LRRC46: variants seen among roughly 807,000 people sequenced by gnomAD.
LRRC46 encodes the protein leucine rich repeat containing 46.
LRRC46 carries 20 observed loss-of-function variants against 28.0 expected under a neutral mutation model. The observed-to-expected ratio is 0.71, with a 90% confidence interval of 0.50 to 1.04. The LOEUF is 1.04. Among genes scored for constraint, LRRC46 ranks in the 50% least tolerant of loss-of-function variants. The pLI, the probability that LRRC46 is intolerant of heterozygous loss-of-function variation, is 0.00. For synonymous variants in LRRC46, 156 were observed against 158.8 expected, an observed-to-expected ratio of 0.98 and a Z score of 0.13; for missense variants, 315 against 390.1, an observed-to-expected ratio of 0.81 and a Z score of 1.62.
rs1398609782 is a variant in LRRC46 at position 47,836,726 on chromosome 17, C to T, written c.596-24C>T. On this transcript the variant is annotated intron_variant, in intron 7 of 7. Transcript: ENST00000269025. The surrounding 1 kb of genome is among the most constrained non-coding windows in gnomAD (Gnocchi z 5.8). ...AGCCCAGGGCTCCACCCACCCTGTA[C>T]CCTCCACCCCCGGCCCCTCCCAGGC... is the stretch of plus-strand genomic sequence containing the variant. 6.2e-7 allele frequency: 1 copy of T among 1,610,742 alleles called. No individual in the cohort carries two copies. The highest frequency in any genetic ancestry group is 8.5e-7 in the Non-Finnish European group (1 of 1,178,788).
chr17:47,834,450 A>T lies in LRRC46; in HGVS notation c.142A>T (p.Thr48Ser), dbSNP rs2033670641. ...KMFHTLDELQTVRLDREGITT... is the reference protein window; with the variant it reads ...KMFHTLDELQSVRLDREGITT... ...GTTTCACACTCTTGATGAACTGCAG[A>T]CTGTCCGCCTGGACCGGGAGGGGAT... Residue 48 changes from threonine to serine, a missense_variant, in exon 3 of 8, where the codon ACT becomes TCT. Coordinates refer to ENST00000269025, the MANE Select transcript of LRRC46 (RefSeq NM_033413.4). 1 of 1,613,518 alleles carries T rather than the reference A, an allele frequency of 6.2e-7. No homozygotes were observed. The highest frequency in any genetic ancestry group is 8.5e-7 in the Non-Finnish European group (1 of 1,179,746).
rs142476459 is a variant in LRRC46, at chr17:47,837,034, G to T, written c.880G>T (p.Gly294Trp). The change falls in exon 8 of 8, where the codon GGG becomes TGG. Residue 294 changes from glycine (G) to tryptophan (W), a missense_variant. By Grantham distance (184) the Gly-to-Trp change is radical (BLOSUM62 -2). Transcript: ENST00000269025. ...CCAAAGCTCTTTCTGGGGAAGGAAGGGGGCACGAGCAGCCACAGCCCCCAA... is the reference window on the plus strand; with the variant it reads ...CCAAAGCTCTTTCTGGGGAAGGAAGTGGGCACGAGCAGCCACAGCCCCCAA... ...GHQSSFWGRK[G>W]ARAATAPKAS... is the part of the protein sequence containing the mutation. 346 of 1,610,364 alleles carry T rather than the reference G, an allele frequency of 2.1e-4. No homozygotes were observed. The highest frequency in any genetic ancestry group is 2.6e-4 in the Non-Finnish European group (311 of 1,179,160).
In LRRC46 at chr17:47,837,102, C is replaced by T; in HGVS notation, c.948C>T (p.Ala316=). The change falls in exon 8 of 8, where the codon GCC becomes GCT. Residue 316 remains alanine (A), a synonymous_variant. Transcript: ENST00000269025. ...AEAPSTTKTT[A]KRSKK is the part of the protein sequence containing the mutation. ...CCCCCAGCACAACCAAAACTACGGC[C>T]AAGAGAAGCAAGAAATGATTCTCTG... The T allele has an allele frequency of 6.2e-7, 1 of 1,603,504 alleles. No homozygotes were observed. The highest frequency in any genetic ancestry group is 8.5e-7 in the Non-Finnish European group (1 of 1,177,596).
chr17:47,831,707 C>T lies in LRRC46; in HGVS notation c.-283C>T, dbSNP rs1206906618. 3.1e-6 allele frequency: 2 copies of T among 650,000 alleles called. No individual in the cohort carries two copies. The highest frequency in any genetic ancestry group is 5.5e-5 in the East Asian group (2 of 36,582). 40.3% of individuals were successfully genotyped at this position (650,000 alleles called of 1,614,324 possible). ...GTCTCTTAGCAACGACTCCGGCTTC[C>T]TAGGAACTGCTCCTTTCTCAACCAT... is the stretch of plus-strand genomic sequence containing the variant. On this transcript the variant is annotated 5_prime_UTR_variant, in exon 1 of 8. Transcript: ENST00000269025.
In LRRC46 at chr17:47,836,375, C is replaced by T. The variant is rs200098111; in HGVS notation, c.495C>T (p.Asp165=). The part of the protein sequence containing the change: ...TEALPLLLDL[D]GQPVVERWIS... Reference sequence around the variant, plus strand: ...CCCTGCCACTTCTCCTGGACCTGGACGGGCAGCCTGTGGTGGAGCGCTGGA... The same window carrying T: ...CCCTGCCACTTCTCCTGGACCTGGATGGGCAGCCTGTGGTGGAGCGCTGGA... Residue 165 remains aspartate (D), a synonymous_variant, in exon 7 of 8, where the codon GAC becomes GAT. Transcript: ENST00000269025. This position sits in a 1 kb window ranked among gnomAD's most constrained non-coding sequence, Gnocchi z 5.8. The T allele has an allele frequency of 2.7e-5, 44 of 1,614,004 alleles. No individual in the cohort carries two copies. The highest frequency in any genetic ancestry group is 2.6e-4 in the South Asian group (24 of 91,080).
chr17:47,835,354 A>T lies in LRRC46; in HGVS notation c.227A>T (p.Asn76Ile). ...CCCCACTTCGGTTTCTTCTTGCAGA[A>T]TAAGATCCAGCAAATTGAGAACCTG... Reference protein sequence around the residue: ...QNLHSLYLQGNKIQQIENLAC... With the variant: ...QNLHSLYLQGIKIQQIENLAC... Residue 76 changes from asparagine to isoleucine, a missense_variant and splice_region_variant, in exon 4 of 8, where the codon AAT (asparagine) becomes ATT (isoleucine). Asn to Ile is a moderately radical substitution (Grantham distance 149, BLOSUM62 -3). Transcript: ENST00000269025. 6.2e-7 allele frequency: 1 copy of T among 1,614,216 alleles called. No individual in the cohort carries two copies. Among genetic ancestry groups the T allele is most frequent in the Non-Finnish European group, 8.5e-7 (1 of 1,180,034 alleles).
rs745679721 is a variant in LRRC46, at chr17:47,831,855, C to T, written c.-135C>T. 1.2e-5 allele frequency: 14 copies of T among 1,153,712 alleles called. No individual in the cohort carries two copies. Among genetic ancestry groups the T allele is most frequent in the South Asian group, 1.4e-5 (1 of 72,006 alleles). 71.5% of individuals were successfully genotyped at this position (1,153,712 alleles called of 1,614,324 possible). On this transcript the variant is annotated 5_prime_UTR_variant, in exon 1 of 8. Coordinates refer to ENST00000269025, the MANE Select transcript of LRRC46 (RefSeq NM_033413.4). ...CCCCAGCAATTTTCTCTGAATCAAC[C>T]CCCTTTCCTCCTCTCCTAAGTCTCT...
In LRRC46 at chr17:47,836,306, G is replaced by A; in HGVS notation, c.453-27G>A. The A allele has an allele frequency of 6.2e-7, 1 of 1,612,536 alleles. No homozygotes were observed. The highest frequency in any genetic ancestry group is 8.5e-7 in the Non-Finnish European group (1 of 1,179,602). ...CCTCCACGCCAGGGTGCCCTCCTGGGTAACCTCTGCTCCTTCTGCTCTGCA... is the reference window on the plus strand; with the variant it reads ...CCTCCACGCCAGGGTGCCCTCCTGGATAACCTCTGCTCCTTCTGCTCTGCA... On this transcript the variant is annotated intron_variant, in intron 6 of 7. Transcript: ENST00000269025. The surrounding 1 kb of genome is among the most constrained non-coding windows in gnomAD (Gnocchi z 5.8).
Position 47,834,472 on chromosome 17 carries a change from G to A in LRRC46, c.164G>A (p.Gly55Glu). Residue 55 changes from glycine (G) to glutamate (E), a missense_variant, in exon 3 of 8, where the codon GGG (glycine) becomes GAG (glutamate). Transcript: ENST00000269025. ...ELQTVRLDRE[G>E]ITTIRNLEGL... Reference sequence around the variant, plus strand: ...CAGACTGTCCGCCTGGACCGGGAGGGGATTACTACTATCAGGAACTTAGAA... The same window carrying A: ...CAGACTGTCCGCCTGGACCGGGAGGAGATTACTACTATCAGGAACTTAGAA... 1 of 1,613,670 alleles carries A rather than the reference G, an allele frequency of 6.2e-7. No homozygotes were observed. Among genetic ancestry groups the A allele is most frequent in the Non-Finnish European group, 8.5e-7 (1 of 1,179,824 alleles).
intron 2 of LRRC46, among the ~76,000 whole-genome samples, chr17:47,832,701 G>A (rs1397127864): frequency 6.6e-6 from 1 of 152,158 alleles, no homozygotes; most frequent in African/African-American, 2.4e-5. Context: ...AAAAAGTAAA[G>A]TATTTTTAAT....
chr17:47,835,572 C>A, intron 4 of LRRC46, 94 bp from the exon 5 acceptor site: 1 of 1,423,200 alleles, frequency 7.0e-7, no homozygotes, highest in Non-Finnish European at 9.9e-7. Context: ...CATCAGCTGC[C>A]TAGCCCAGGG....
rs768811574 is a variant in LRRC46 at position 47,834,431 on chromosome 17, C to T, written c.123C>T (p.His41=). 3 of 1,611,352 alleles carry T rather than the reference C, an allele frequency of 1.9e-6. No homozygotes were observed. Among genetic ancestry groups the T allele is most frequent in the South Asian group, 1.1e-5 (1 of 90,672 alleles). Residue 41 remains histidine, a synonymous_variant, in exon 3 of 8, where the codon CAC becomes CAT. Transcript: ENST00000269025. ...EDGELSEKMF[H]TLDELQTVRL... is the part of the protein sequence containing the mutation. Reference sequence around the variant, plus strand: ...TTACTGACTCTTTTCCCAGGTTTCACACTCTTGATGAACTGCAGACTGTCC... The same window carrying T: ...TTACTGACTCTTTTCCCAGGTTTCATACTCTTGATGAACTGCAGACTGTCC...
chr17:47,836,032 G>C lies in LRRC46; in HGVS notation c.383-1G>C, dbSNP rs1000923603. On this transcript the variant is annotated splice_acceptor_variant, in intron 5 of 7. Transcript: ENST00000269025. LOFTEE classifies it high-confidence loss of function. This position sits in a 1 kb window ranked among gnomAD's most constrained non-coding sequence, Gnocchi z 5.8. ...ATTTCCTCTCTCTTTGCTGTGTGCA[G>C]ATGAGTTCCCCCAGAGCCTTCTCAT... is the stretch of plus-strand genomic sequence containing the variant. The C allele has an allele frequency of 6.2e-7, 1 of 1,614,194 alleles. No homozygotes were observed. Among genetic ancestry groups the C allele is most frequent in the South Asian group, 1.1e-5 (1 of 91,086 alleles).
At chr17:47,835,853 G>A in intron 5 of LRRC46, 78 bp downstream of exon 5, 1 of 1,385,312 alleles carries the variant, frequency 7.2e-7, no homozygotes, top group Non-Finnish European at 1.0e-6. Flanking sequence ...ATCTGCCCAT[G>A]CTTCTATTAG....
In LRRC46 at chr17:47,832,214, A is replaced by AC. The variant is rs2033643559; in HGVS notation, c.116+9_116+10insC. 6.4e-7 allele frequency: 1 copy of AC among 1,562,924 alleles called. No individual in the cohort carries two copies. The highest frequency in any genetic ancestry group is 8.7e-7 in the Non-Finnish European group (1 of 1,151,672). On this transcript the variant is annotated intron_variant, in intron 2 of 7. Transcript: ENST00000269025. ...GAACTGTCAGAGAAGATGTGAGTGC[A>AC]TGGGGGAGAAAAGGGGTGCTAGAAG...
At position 47,831,824 on chromosome 17, in the gene LRRC46, A is replaced by C; in HGVS notation, c.-166A>C. On this transcript the variant is annotated 5_prime_UTR_variant, in exon 1 of 8. Transcript: ENST00000269025. Reference sequence around the variant, plus strand: ...TCACATCAATTTACTGTTTTCTTCGACCTCACCCCAGCAATTTTCTCTGAA... The same window carrying C: ...TCACATCAATTTACTGTTTTCTTCGCCCTCACCCCAGCAATTTTCTCTGAA... 4.7e-6 allele frequency: 4 copies of C among 851,922 alleles called. No individual in the cohort carries two copies. The highest frequency in any genetic ancestry group is 1.9e-6 in the Non-Finnish European group (1 of 539,968). The allele number at this position is 851,922 out of a possible 1,614,324, so 52.8% of individuals were successfully genotyped here. A position where few individuals can be genotyped will look rare whatever the true frequency, so the allele number is the denominator to read the frequency against.
intron 2 of LRRC46, 111 bp downstream of exon 2, chr17:47,832,316 C>T: frequency 4.3e-6 from 3 of 704,184 alleles, no homozygotes; most frequent in Non-Finnish European, 6.8e-6. Flanking sequence ...CCTTACTCCA[C>T]ACATTCAATC....
In LRRC46 at chr17:47,833,750, C is replaced by CTTT. The variant is rs34618388; in HGVS notation, c.117-661_117-659dup. ...TACAGTGAGCCACCTCGCCCAGCCT[C>CTTT]TTTTTTTTTTTTTTTTATGACATAG... is the stretch of plus-strand genomic sequence containing the variant. On this transcript the variant is annotated intron_variant, in intron 2 of 7. Transcript: ENST00000269025. 180 of 137,362 alleles carry CTTT rather than the reference C, an allele frequency of 1.3e-3. 4 individuals carry two copies. Among genetic ancestry groups the CTTT allele is most frequent in the Non-Finnish European group, 1.9e-3 (125 of 66,194 alleles). 8.5% of individuals were successfully genotyped at this position (137,362 alleles called of 1,614,324 possible). A position where few individuals can be genotyped will look rare whatever the true frequency, so the allele number is the denominator to read the frequency against.
rs1345108238 is a variant in LRRC46 at position 47,837,562 on chromosome 17, C to T, written c.*442C>T. 1.1e-5 allele frequency: 5 copies of T among 475,990 alleles called. No individual in the cohort carries two copies. The East Asian group carries it at 2.1e-4, about 20-fold the overall frequency. 29.5% of individuals were successfully genotyped at this position (475,990 alleles called of 1,614,324 possible). Reference sequence around the variant, plus strand: ...CCTGTCCCCTCCCTGTCCTCCTGCCCAGTCCCCATCACTCACCCACTCATA... The same window carrying T: ...CCTGTCCCCTCCCTGTCCTCCTGCCTAGTCCCCATCACTCACCCACTCATA... On this transcript the variant is annotated 3_prime_UTR_variant, in exon 8 of 8. Coordinates refer to ENST00000269025, the MANE Select transcript of LRRC46 (RefSeq NM_033413.4).
Sources: allele counts gnomAD v4.1 joint callset (sites outside exome capture counted in the v4.1 genomes callset), GRCh38; gene constraint gnomAD v4.1.1; non-coding constraint Gnocchi (gnomAD v3.1); transcripts MANE v1.5; gene names NCBI Gene and HGNC (gene_info 2026-07-23, HGNC 2026-07-21).